RBFOX1: variants seen among roughly 807,000 people sequenced by gnomAD.
The protein encoded by RBFOX1 is RNA binding protein fox-1 homolog 1.
A neutral mutation model predicts 57.7 loss-of-function variants in RBFOX1; 8 were observed. That is an observed-to-expected ratio of 0.14 (90% CI 0.08 to 0.25). The LOEUF is 0.25. RBFOX1 is among the 10% of genes least tolerant of loss of function. RBFOX1 has a pLI of 1.00. For synonymous variants in RBFOX1, 326 were observed against 222.4 expected, an observed-to-expected ratio of 1.47 and a Z score of -4.15; for missense variants, 611 against 548.5, an observed-to-expected ratio of 1.11 and a Z score of -1.14.
At chr16:6,478,425 ATATATTTTTTTTTT>A (rs1369556934) in intron 2 of RBFOX1, among the ~76,000 whole-genome samples, 147 of 11,716 alleles carry the variant, frequency 0.013, 1 homozygote, top group African/African-American at 0.037. Flanking sequence ...ATATATATAT[ATATATTTTTTTTTT>A]TTTTTTTTGT....
chr16:7,668,499 T>C (rs564351598), intron 13 of RBFOX1, among the ~76,000 whole-genome samples: 4 of 152,222 alleles, frequency 2.6e-5, no homozygotes, highest in Admixed American at 2.6e-4. Flanking sequence ...TTCAATCCTA[T>C]TCAGGAGCTG....
intron 4 of RBFOX1, among the ~76,000 whole-genome samples, chr16:5,934,951 G>C (rs765949785): frequency 2.0e-4 from 31 of 152,162 alleles, no homozygotes; most frequent in Non-Finnish European, 4.1e-4. Flanking sequence ...ACACACCTGT[G>C]GGTAATTAAT....
At chr16:7,543,765 G>C (rs977949890) in intron 5 of RBFOX1, among the ~76,000 whole-genome samples, 5 of 151,812 alleles carry the variant, frequency 3.3e-5, no homozygotes, top group African/African-American at 9.7e-5. Context: ...TCTGTTGTCA[G>C]GCTGGAGTGC....
At chr16:6,874,817 G>C (rs1004145009) in intron 3 of RBFOX1, among the ~76,000 whole-genome samples, 7 of 152,272 alleles carry the variant, frequency 4.6e-5, no homozygotes, top group Admixed American at 6.5e-5. Flanking sequence ...ACTACATACT[G>C]ATTGGGTGAT....
chr16:7,429,994 T>C (rs1011769017), intron 4 of RBFOX1, among the ~76,000 whole-genome samples: 4 of 152,204 alleles, frequency 2.6e-5, no homozygotes, highest in African/African-American at 9.6e-5. Context: ...GAGTTTCTCT[T>C]GGTCTAGGGC....
intron 2 of RBFOX1, among the ~76,000 whole-genome samples, chr16:5,540,332 T>C (rs1177688373): frequency 6.6e-6 from 1 of 152,206 alleles, no homozygotes; most frequent in Non-Finnish European, 1.5e-5. Flanking sequence ...AAAATTGGCA[T>C]AGACAGATTA....
At chr16:6,183,381 G>A (rs1468058892) in intron 1 of RBFOX1, among the ~76,000 whole-genome samples, 3 of 151,928 alleles carry the variant, frequency 2.0e-5, no homozygotes, top group Non-Finnish European at 4.4e-5. Context: ...TCTGGAGGCT[G>A]AGGCAGGATA....
At chr16:7,273,943 G>T (rs978683731) in intron 4 of RBFOX1, among the ~76,000 whole-genome samples, 10 of 152,106 alleles carry the variant, frequency 6.6e-5, no homozygotes, top group East Asian at 1.9e-4. Context: ...AGTATTACTG[G>T]TCTATAATAC....
chr16:7,369,416 C>T (rs1044567809), intron 4 of RBFOX1, among the ~76,000 whole-genome samples: 1 of 152,158 alleles, frequency 6.6e-6, no homozygotes, highest in East Asian at 1.9e-4. Context: ...CATCTCTCCT[C>T]TCACTATTAA....
chr16:7,152,453 G>A (rs1346397302), intron 4 of RBFOX1, among the ~76,000 whole-genome samples: 1 of 152,140 alleles, frequency 6.6e-6, no homozygotes, highest in Non-Finnish European at 1.5e-5. Context: ...GGTTATCATA[G>A]TTCAAAACTC....
At chr16:7,663,379 C>G (rs2068285853) in intron 12 of RBFOX1, among the ~76,000 whole-genome samples, 1 of 152,128 alleles carries the variant, frequency 6.6e-6, no homozygotes, top group Admixed American at 6.5e-5. Context: ...GTGTGAAATC[C>G]CTGCCACATT....
intron 3 of RBFOX1, among the ~76,000 whole-genome samples, chr16:6,671,188 T>C (rs1476998067): frequency 7.2e-5 from 11 of 152,192 alleles, no homozygotes; most frequent in Non-Finnish European, 1.5e-4. Flanking sequence ...CCACCATTGT[T>C]ATTTTACTTG....
chr16:7,542,731 G>T (rs2083293292), intron 5 of RBFOX1, among the ~76,000 whole-genome samples: 2 of 150,374 alleles, frequency 1.3e-5, no homozygotes, highest in Middle Eastern at 3.4e-3. Flanking sequence ...GCCAGGCATG[G>T]TGGCACGCAC....
chr16:5,689,409 G>A (rs2050600909), intron 3 of RBFOX1, among the ~76,000 whole-genome samples: 1 of 152,150 alleles, frequency 6.6e-6, no homozygotes, highest in Non-Finnish European at 1.5e-5. Flanking sequence ...TATGATTGTG[G>A]GAGTTGTAAA....
At chr16:6,188,924 A>G (rs1199542707) in intron 1 of RBFOX1, among the ~76,000 whole-genome samples, 2 of 152,202 alleles carry the variant, frequency 1.3e-5, no homozygotes, top group African/African-American at 2.4e-5. Flanking sequence ...GTAATAAGAG[A>G]GGTTGAAAGA....
At chr16:5,882,588 C>T (rs1415946379) in intron 4 of RBFOX1, among the ~76,000 whole-genome samples, 2 of 152,274 alleles carry the variant, frequency 1.3e-5, no homozygotes, top group African/African-American at 2.4e-5. Context: ...TGTGGTGAAA[C>T]TCCATCCACA....
chr16:7,581,761 G>C (rs868856581), intron 6 of RBFOX1, among the ~76,000 whole-genome samples: 33 of 152,120 alleles, frequency 2.2e-4, no homozygotes, highest in African/African-American at 6.5e-4. Context: ...CTGCTACCCA[G>C]GCTAGAGTGC....
chr16:6,308,307 T>C (rs2079785753), intron 1 of RBFOX1, among the ~76,000 whole-genome samples: 1 of 152,252 alleles, frequency 6.6e-6, no homozygotes, highest in Admixed American at 6.5e-5. Flanking sequence ...TTATTCCTTA[T>C]GTAGATCCTT....
intron 2 of RBFOX1, among the ~76,000 whole-genome samples, chr16:6,645,777 A>G (rs74005615): frequency 0.045 from 6,799 of 152,254 alleles, 536 homozygotes; most frequent in African/African-American, 0.15. Flanking sequence ...AACTTGCCAT[A>G]TGCTAAGACC....
Sources: gnomAD v4.1 joint callset for allele counts (sites outside exome capture counted in the v4.1 genomes callset) on GRCh38, gnomAD v4.1.1 for gene constraint, MANE v1.5 for transcripts, NCBI Gene and HGNC (gene_info 2026-07-23, HGNC 2026-07-21) for gene names.